Variants in IQCH observed in about 807,000 individuals in gnomAD.
IQCH encodes the protein IQ motif containing H.
IQCH carries 98 observed loss-of-function variants against 117.0 expected under a neutral mutation model. That is an observed-to-expected ratio of 0.84 (90% CI 0.71 to 0.99). The LOEUF (loss-of-function observed/expected upper bound fraction) is 0.99, where lower values mean the gene tolerates loss of function less well. Among genes scored for constraint, IQCH ranks in the 50% least tolerant of loss-of-function variants. IQCH has a pLI of 0.00. For synonymous variants in IQCH, 412 were observed against 448.2 expected (o/e 0.92, Z 1.02); for missense variants, 1,102 against 1,243.8 (o/e 0.89, Z 1.72).
intron 18 of IQCH, among the ~76,000 whole-genome samples, chr15:67,483,669 C>G (rs2083397743): frequency 1.3e-5 from 2 of 152,162 alleles, no homozygotes; most frequent in South Asian, 4.1e-4. Context: ...TCGTGATCCG[C>G]CCGCCTCGGC....
chr15:67,428,605 C>G (rs1177565353), intron 16 of IQCH, among the ~76,000 whole-genome samples: 1 of 152,112 alleles, frequency 6.6e-6, no homozygotes, highest in Non-Finnish European at 1.5e-5. Context: ...AATCCCAACA[C>G]TTTGGGAGAC....
intron 4 of IQCH, among the ~76,000 whole-genome samples, chr15:67,287,155 T>C (rs1267235792): frequency 6.6e-6 from 1 of 152,218 alleles, no homozygotes; most frequent in East Asian, 1.9e-4. Context: ...TCTTAATGTG[T>C]TGTTGAATTC....
chr15:67,337,079 A>G lies in IQCH; in HGVS notation c.492A>G (p.Gln164=), dbSNP rs758710488. The change falls in exon 5 of 21, where the codon CAA becomes CAG. Residue 164 remains glutamine, a synonymous_variant. Transcript: ENST00000335894. ...DPYFTPIPVL[Q]ADAHKGILSM... The stretch of plus-strand genomic sequence containing the variant: ...ATTTCACTCCTATACCAGTCTTACA[A>G]GCAGATGCCCACAAAGGTTAGTGAT... 8 of 1,613,454 alleles carry G rather than the reference A, an allele frequency of 5.0e-6. No homozygotes were observed. In the African/African-American group the frequency reaches 1.1e-4, roughly 22 times the overall value.
Position 67,475,339 on chromosome 15 carries a change from G to A in IQCH, c.2677-357G>A, listed in dbSNP as rs1469073771. Reference sequence around the variant, plus strand: ...AAAAAAATAATAAAGTTAACCAGGTGTGGTGGCATGCACCTGTAGTCCCAG... The same window carrying A: ...AAAAAAATAATAAAGTTAACCAGGTATGGTGGCATGCACCTGTAGTCCCAG... On this transcript the variant is annotated intron_variant, in intron 17 of 20. Coordinates refer to ENST00000335894, the MANE Select transcript of IQCH (RefSeq NM_001031715.3). This position sits in a 1 kb window ranked among gnomAD's most constrained non-coding sequence, Gnocchi z 5.7. 6.6e-6 allele frequency among the ~76,000 whole-genome samples: 1 copy of A among 152,060 alleles called. No homozygotes were observed. Among genetic ancestry groups the A allele is most frequent in the Non-Finnish European group, 1.5e-5 (1 of 68,014 alleles).
intron 4 of IQCH, among the ~76,000 whole-genome samples, chr15:67,325,323 T>C (rs1189383783): frequency 4.6e-5 from 7 of 152,186 alleles, no homozygotes; most frequent in Non-Finnish European, 8.8e-5. Flanking sequence ...ATTATTATTT[T>C]TTAAGGTCCT....
chr15:67,308,222 CT>C (rs1461151920), intron 4 of IQCH, among the ~76,000 whole-genome samples: 3 of 152,138 alleles, frequency 2.0e-5, no homozygotes, highest in Non-Finnish European at 4.4e-5. Flanking sequence ...CTTCTGTTCT[CT>C]TTTTCCAAAA....
intron 6 of IQCH, among the ~76,000 whole-genome samples, chr15:67,355,668 A>C (rs1311970723): frequency 6.6e-6 from 1 of 152,112 alleles, no homozygotes; most frequent in Non-Finnish European, 1.5e-5. Context: ...TTTCCTCTCC[A>C]TTAACTCTGG....
chr15:67,291,827 A>T (rs1048204873), intron 4 of IQCH, among the ~76,000 whole-genome samples: 16 of 152,200 alleles, frequency 1.1e-4, no homozygotes, highest in African/African-American at 3.9e-4. Context: ...TCTCATTAGA[A>T]TGTAAGCTCC....
chr15:67,482,155 C>T (rs2083354818), intron 18 of IQCH, among the ~76,000 whole-genome samples: 1 of 152,198 alleles, frequency 6.6e-6, no homozygotes, highest in Admixed American at 6.5e-5. Context: ...AAGGCAGAGT[C>T]AAGGACCACA....
chr15:67,344,299 G>A, intron 6 of IQCH, 108 bp downstream of exon 6: 1 of 908,484 alleles, frequency 1.1e-6, no homozygotes, highest in Non-Finnish European at 1.6e-6. Context: ...AGGACAAGAT[G>A]AAAGTTGTAA....
intron 16 of IQCH, among the ~76,000 whole-genome samples, chr15:67,450,808 C>G (rs909761499): frequency 6.6e-5 from 10 of 152,174 alleles, no homozygotes; most frequent in Admixed American, 3.9e-4. Flanking sequence ...GTACCAGCTC[C>G]TCTTTGTACC....
chr15:67,398,268 A>G (rs1007986026), intron 13 of IQCH, among the ~76,000 whole-genome samples: 2 of 152,172 alleles, frequency 1.3e-5, no homozygotes, highest in Non-Finnish European at 2.9e-5. Context: ...CAGGCCAAAG[A>G]CCATTTCTAC....
rs3897784 is a variant in IQCH at position 67,490,797 on chromosome 15, G to A, written c.2861+733G>A. Among the ~76,000 whole-genome samples the A allele has an allele frequency of 5.7e-3, 864 of 152,224 alleles. 4 individuals are homozygous for A. Among genetic ancestry groups the A allele is most frequent in the African/African-American group, 0.02 (817 of 41,532 alleles). On this transcript the variant is annotated intron_variant, in intron 19 of 20. Coordinates refer to ENST00000335894, the MANE Select transcript of IQCH (RefSeq NM_001031715.3). This position sits in a 1 kb window ranked among gnomAD's most constrained non-coding sequence, Gnocchi z 4.9. The stretch of plus-strand genomic sequence containing the variant: ...TCCTCCTCAGATCCAGTTTCAACCC[G>A]GGCGCAGTCTTCTCAAGGTACGCAT...
At chr15:67,312,566 G>C (rs1040908851) in intron 4 of IQCH, among the ~76,000 whole-genome samples, 1 of 152,132 alleles carries the variant, frequency 6.6e-6, no homozygotes, top group African/African-American at 2.4e-5. Context: ...GATACGTCTA[G>C]ACTACCAGCC....
At chr15:67,343,352 C>T (rs1355153882) in intron 5 of IQCH, among the ~76,000 whole-genome samples, 9 of 152,154 alleles carry the variant, frequency 5.9e-5, no homozygotes, top group East Asian at 5.8e-4. Context: ...ACAGTAGATC[C>T]ACCTTAACAA....
At chr15:67,295,827 T>C (rs1203307102) in intron 4 of IQCH, among the ~76,000 whole-genome samples, 1 of 152,174 alleles carries the variant, frequency 6.6e-6, no homozygotes, top group Non-Finnish European at 1.5e-5. Flanking sequence ...TATTAAGGCC[T>C]TAGTTTCTAC....
In IQCH at chr15:67,345,026, G is replaced by A. The variant is rs571132543; in HGVS notation, c.637+835G>A. Among the ~76,000 whole-genome samples the A allele has an allele frequency of 1.6e-4, 24 of 152,240 alleles. No homozygotes were observed. The East Asian group carries it at 2.7e-3, about 17-fold the overall frequency. The stretch of plus-strand genomic sequence containing the variant: ...TGTTTTGAGATGGAGTTTCACTCTT[G>A]TTGCCCAGACTAGAGTGCAATGGCG... On this transcript the variant is annotated intron_variant, in intron 6 of 20. Coordinates refer to ENST00000335894, the MANE Select transcript of IQCH (RefSeq NM_001031715.3).
intron 15 of IQCH, among the ~76,000 whole-genome samples, chr15:67,420,094 C>T (rs541669321): frequency 6.6e-6 from 1 of 152,138 alleles, no homozygotes; most frequent in Non-Finnish European, 1.5e-5. Flanking sequence ...GTAGCACACA[C>T]GAGTAGGCCT....
rs2083648285 is a variant in IQCH, at chr15:67,491,320, G to A, written c.2861+1256G>A. Reference sequence around the variant, plus strand: ...TTCCCTATCCAAAGCATAGTCCTTTGTTCTACCAAAGCATTATCAGTTAGA... The same window carrying A: ...TTCCCTATCCAAAGCATAGTCCTTTATTCTACCAAAGCATTATCAGTTAGA... On this transcript the variant is annotated intron_variant, in intron 19 of 20. Transcript: ENST00000335894. The surrounding 1 kb of genome is among the most constrained non-coding windows in gnomAD (Gnocchi z 4.9). Among the ~76,000 whole-genome samples, 1 of 152,108 alleles carries A rather than the reference G, an allele frequency of 6.6e-6. No individual in the cohort carries two copies. The highest frequency in any genetic ancestry group is 6.5e-5 in the Admixed American group (1 of 15,274).
Sources: gnomAD v4.1 joint callset for allele counts (sites outside exome capture counted in the v4.1 genomes callset) on GRCh38, gnomAD v4.1.1 for gene constraint, Gnocchi (gnomAD v3.1) non-coding constraint, MANE v1.5 for transcripts, NCBI Gene and HGNC (gene_info 2026-07-23, HGNC 2026-07-21) for gene names.